The following ADGRL3 variants were observed in gnomAD, a reference collection of about 807,000 sequenced individuals.
ADGRL3 encodes the protein calcium-independent alpha-latrotoxin receptor 3.
Under a neutral mutation model 153.5 loss-of-function variants are expected in ADGRL3, and 62 were observed. The observed-to-expected ratio is 0.40, with a 90% CI of 0.33 to 0.50. The LOEUF is 0.50. ADGRL3 is among the 20% of genes least tolerant of loss of function. The probability of loss-of-function intolerance (pLI) is 0.47; values close to 1 mark genes in which losing one functional copy is unlikely to be tolerated. For synonymous variants in ADGRL3, 710 were observed against 672.5 expected, an observed-to-expected ratio of 1.06 and a Z score of -0.86; for missense variants, 1,641 against 1,859.4, an observed-to-expected ratio of 0.88 and a Z score of 2.16.
At chr4:62,000,995 G>T (rs1324610721) in intron 21 of ADGRL3, among the ~76,000 whole-genome samples, 3 of 151,922 alleles carry the variant, frequency 2.0e-5, no homozygotes, top group Non-Finnish European at 4.4e-5. Flanking sequence ...TGTTACCCAG[G>T]CTGGTCTCGA....
Position 62,071,992 on chromosome 4 carries a change from CA to C in ADGRL3, c.*1087del, listed in dbSNP as rs1745817081. Reference sequence around the variant, plus strand: ...TTTACAGGGCACGTCTGTTGTAATGCAAAGCATATTTGGCAAGCAGTTCATC... The same window carrying C: ...TTTACAGGGCACGTCTGTTGTAATGCAAGCATATTTGGCAAGCAGTTCATC... On this transcript the variant is annotated 3_prime_UTR_variant, in exon 27 of 27. Coordinates refer to ENST00000683033, the MANE Select transcript of ADGRL3 (RefSeq NM_001387552.1). 1 of 202,316 alleles carries C rather than the reference CA, an allele frequency of 4.9e-6. No individual in the cohort carries two copies. The highest frequency in any genetic ancestry group is 1.0e-5 in the Non-Finnish European group (1 of 99,548). The allele number at this position is 202,316 out of a possible 1,614,324, so 12.5% of individuals were successfully genotyped here.
intron 1 of ADGRL3, among the ~76,000 whole-genome samples, chr4:61,354,489 C>T (rs551568849): frequency 4.6e-5 from 7 of 151,640 alleles, no homozygotes; most frequent in Non-Finnish European, 7.4e-5. Flanking sequence ...TTGTTTAGTT[C>T]GGAAATGGTG....
intron 17 of ADGRL3, among the ~76,000 whole-genome samples, chr4:61,958,621 G>GTGGTGA: frequency 6.6e-6 from 1 of 152,018 alleles, no homozygotes; most frequent in Non-Finnish European, 1.5e-5. Context: ...TCTTCACAAG[G>GTGGTGA]TGGTGAGAGA....
chr4:61,299,617 A>G (rs2150321896), intron 1 of ADGRL3, among the ~76,000 whole-genome samples: 1 of 152,260 alleles, frequency 6.6e-6, no homozygotes, highest in South Asian at 2.1e-4. Flanking sequence ...ACTTAAGCAA[A>G]TGTGGGGCTT....
chr4:61,621,007 C>T (rs906632775), intron 5 of ADGRL3, among the ~76,000 whole-genome samples: 3 of 151,912 alleles, frequency 2.0e-5, no homozygotes, highest in South Asian at 2.1e-4. Flanking sequence ...ATTATTTTAT[C>T]GGCTTATTTG....
chr4:61,794,600 A>T (rs995431904), intron 8 of ADGRL3, among the ~76,000 whole-genome samples: 2 of 152,214 alleles, frequency 1.3e-5, no homozygotes, highest in Non-Finnish European at 2.9e-5. Context: ...ATTTCTTCCC[A>T]TTTGAAACAA....
chr4:61,931,241 T>C (rs1393299164), intron 13 of ADGRL3, among the ~76,000 whole-genome samples: 1 of 152,194 alleles, frequency 6.6e-6, no homozygotes, highest in African/African-American at 2.4e-5. Context: ...GCTTCTGTAG[T>C]TGTGTAAGAG....
intron 1 of ADGRL3, among the ~76,000 whole-genome samples, chr4:61,352,079 A>T (rs1001537483): frequency 2.0e-5 from 3 of 152,202 alleles, no homozygotes; most frequent in African/African-American, 2.4e-5. Context: ...TCATGGGGAA[A>T]TATCAAAATG....
intron 1 of ADGRL3, among the ~76,000 whole-genome samples, chr4:61,299,073 A>G (rs72614716): frequency 0.13 from 20,295 of 152,186 alleles, 1,562 homozygotes; most frequent in South Asian, 0.28. Context: ...TACATAATGC[A>G]TCTGTGATTA....
intron 2 of ADGRL3, among the ~76,000 whole-genome samples, chr4:61,469,554 G>A (rs1409016459): frequency 6.6e-6 from 1 of 151,910 alleles, no homozygotes; most frequent in Non-Finnish European, 1.5e-5. Context: ...AGGGGCCTGT[G>A]CTCTCTTAGG....
intron 11 of ADGRL3, among the ~76,000 whole-genome samples, chr4:61,907,666 A>G (rs2098702709): frequency 6.6e-6 from 1 of 151,548 alleles, no homozygotes; most frequent in Non-Finnish European, 1.5e-5. Flanking sequence ...ATATATGATA[A>G]AAAGAGATAT....
intron 8 of ADGRL3, among the ~76,000 whole-genome samples, chr4:61,770,277 G>A (rs774792223): frequency 3.9e-5 from 6 of 152,110 alleles, no homozygotes; most frequent in Non-Finnish European, 7.3e-5. Flanking sequence ...TGGAAGTTGT[G>A]GACTAAATTT....
chr4:61,541,729 T>A (rs1178482993), intron 4 of ADGRL3, among the ~76,000 whole-genome samples: 1 of 152,136 alleles, frequency 6.6e-6, no homozygotes, highest in Non-Finnish European at 1.5e-5. Flanking sequence ...TGTTCCCTTG[T>A]GGCTCTATGT....
intron 4 of ADGRL3, among the ~76,000 whole-genome samples, chr4:61,563,810 C>A (rs546527485): frequency 1.3e-5 from 2 of 152,168 alleles, no homozygotes; most frequent in South Asian, 2.1e-4. Flanking sequence ...GAAATTGAGA[C>A]CACCCTGGCC....
At chr4:61,591,600 CTT>C (rs535532192) in intron 5 of ADGRL3, among the ~76,000 whole-genome samples, 61 of 152,034 alleles carry the variant, frequency 4.0e-4, no homozygotes, top group Admixed American at 6.6e-4. Flanking sequence ...TTTGAATACT[CTT>C]AGAATCAAAC....
At chr4:62,053,261 C>T (rs1298253546) in intron 25 of ADGRL3, among the ~76,000 whole-genome samples, 1 of 151,336 alleles carries the variant, frequency 6.6e-6, no homozygotes, top group African/African-American at 2.4e-5. Context: ...AAAAAGGCCT[C>T]ATTGGAAAGA....
chr4:61,374,574 C>G (rs141103226), intron 1 of ADGRL3, among the ~76,000 whole-genome samples: 1 of 151,922 alleles, frequency 6.6e-6, no homozygotes, highest in Non-Finnish European at 1.5e-5. Context: ...AAATCTTAGA[C>G]AAAGTGAGAA....
intron 1 of ADGRL3, among the ~76,000 whole-genome samples, chr4:61,296,461 AT>A (rs79399348): frequency 0.31 from 46,817 of 152,028 alleles, 7,369 homozygotes; most frequent in South Asian, 0.42. Context: ...CTTTCAGCAG[AT>A]TTGTAAATTC....
At chr4:61,208,957 C>T (rs1270806563) in intron 1 of ADGRL3, among the ~76,000 whole-genome samples, 3 of 152,104 alleles carry the variant, frequency 2.0e-5, no homozygotes, top group African/African-American at 7.2e-5. Context: ...AGAAGCTATA[C>T]ATTCCGATTA....
Sources: gnomAD v4.1 joint callset for allele counts (sites outside exome capture counted in the v4.1 genomes callset) on GRCh38, gnomAD v4.1.1 for gene constraint, MANE v1.5 for transcripts, NCBI Gene and HGNC (gene_info 2026-07-23, HGNC 2026-07-21) for gene names.